Variants in FRMD5 observed in about 807,000 individuals in gnomAD.
FRMD5 encodes the protein FERM domain containing 5, also known as FERM domain-containing protein 5.
FRMD5 carries 20 observed loss-of-function variants against 69.0 expected under a neutral mutation model. That is an observed-to-expected ratio of 0.29 (90% CI 0.20 to 0.42). FRMD5 has a LOEUF of 0.42. Ranked by LOEUF, FRMD5 falls within the 10% of genes least tolerant of loss-of-function variation. FRMD5 has a pLI of 1.00. For missense variants in FRMD5, 595 were observed against 708.6 expected, an observed-to-expected ratio of 0.84 and a Z score of 1.82; for synonymous variants, 271 against 260.1, an observed-to-expected ratio of 1.04 and a Z score of -0.40.
chr15:43,987,690 T>C lies in FRMD5; in HGVS notation c.103-63381A>G, dbSNP rs1208590160. On this transcript the variant is annotated intron_variant, in intron 1 of 13. Transcript: ENST00000417257. ...TCAGCCTCCCAAGTAGCTGGGACTA[T>C]AGGCATGCATCACCACGCCTGGCTA... Among the ~76,000 whole-genome samples, 3 of 151,968 alleles carry C rather than the reference T, an allele frequency of 2.0e-5. No homozygotes were observed. In the East Asian group the frequency reaches 5.8e-4, roughly 29 times the overall value.
At chr15:44,079,785 A>G (rs1257055017) in intron 1 of FRMD5, among the ~76,000 whole-genome samples, 2 of 152,152 alleles carry the variant, frequency 1.3e-5, no homozygotes, top group Non-Finnish European at 2.9e-5. Context: ...TTGAAAGGAA[A>G]TGGAATATTA....
rs34129381 is a variant in FRMD5 at position 44,121,988 on chromosome 15, CAAAAAAAAAA to C, written c.102+72955_102+72964del. 2.2e-3 allele frequency among the ~76,000 whole-genome samples: 155 copies of C among 70,014 alleles called. 1 individual carries two copies. Among genetic ancestry groups the C allele is most frequent in the African/African-American group, 6.4e-3 (132 of 20,668 alleles). 45.9% of individuals were successfully genotyped at this position (70,014 alleles called of 152,430 possible). ...CCAGCCTGGGTGACAAAGGGAGACT[CAAAAAAAAAA>C]AAAAAAAAAAGGAAAAGAAATAGTA... On this transcript the variant is annotated intron_variant, in intron 1 of 13. Coordinates refer to ENST00000417257, the MANE Select transcript of FRMD5 (RefSeq NM_032892.5).
chr15:44,057,903 T>C (rs1298680299), intron 1 of FRMD5, among the ~76,000 whole-genome samples: 1 of 152,212 alleles, frequency 6.6e-6, no homozygotes, highest in African/African-American at 2.4e-5. Context: ...AAGCCTCAAA[T>C]AACCCATTAG....
At position 44,158,852 on chromosome 15, in the gene FRMD5, G is replaced by A. The variant is rs1465714881; in HGVS notation, c.102+36101C>T. ...TAAGGATGCAGAGATAAAAGACTCA[G>A]TCAGACTCTTCATTCAAAGACCTCA... On this transcript the variant is annotated intron_variant, in intron 1 of 13. Coordinates refer to ENST00000417257, the MANE Select transcript of FRMD5 (RefSeq NM_032892.5). Among the ~76,000 whole-genome samples the A allele has an allele frequency of 2.0e-5, 3 of 148,596 alleles. No homozygotes were observed. In the East Asian group the frequency reaches 5.8e-4, roughly 29 times the overall value.
chr15:44,159,064 G>T (rs909797978), intron 1 of FRMD5, among the ~76,000 whole-genome samples: 1 of 151,464 alleles, frequency 6.6e-6, no homozygotes, highest in African/African-American at 2.4e-5. Flanking sequence ...AGATCCTTAG[G>T]AGGAACAGGG....
At chr15:43,962,492 A>T (rs2090218695) in intron 1 of FRMD5, among the ~76,000 whole-genome samples, 1 of 152,192 alleles carries the variant, frequency 6.6e-6, no homozygotes, top group South Asian at 2.1e-4. Context: ...AAGGTAATTT[A>T]TGGATTCAAT....
chr15:43,876,313 T>A, intron 13 of FRMD5: 1 of 1,053,136 alleles, frequency 9.5e-7, no homozygotes, highest in Non-Finnish European at 1.4e-6. Context: ...GAATCTGAAT[T>A]CCAAACTACC....
intron 1 of FRMD5, among the ~76,000 whole-genome samples, chr15:44,069,095 G>A (rs556725103): frequency 2.9e-4 from 44 of 152,278 alleles, no homozygotes; most frequent in African/African-American, 1.1e-3. Flanking sequence ...AATAACATTA[G>A]CATTAAGGAA....
chr15:43,913,614 A>T (rs915610088), intron 4 of FRMD5, among the ~76,000 whole-genome samples: 1 of 152,248 alleles, frequency 6.6e-6, no homozygotes, highest in African/African-American at 2.4e-5. Flanking sequence ...CCTAAGGAAG[A>T]CTATCTTGTT....
chr15:44,095,206 CTTT>C (rs112078242), intron 1 of FRMD5, among the ~76,000 whole-genome samples: 11 of 142,878 alleles, frequency 7.7e-5, no homozygotes, highest in Non-Finnish European at 9.2e-5. Context: ...CAATTTCTTT[CTTT>C]TTTTTTTTTT....
At chr15:43,919,890 T>C in intron 2 of FRMD5, 81 bp from the exon 3 acceptor site, 3 of 1,302,110 alleles carry the variant, frequency 2.3e-6, no homozygotes, top group South Asian at 2.4e-5. Context: ...CTTAAAAAAC[T>C]AGACAGATTG....
intron 1 of FRMD5, among the ~76,000 whole-genome samples, chr15:43,992,590 C>T (rs1889738301): frequency 6.6e-6 from 1 of 152,144 alleles, no homozygotes; most frequent in Non-Finnish European, 1.5e-5. Flanking sequence ...ATTGGCCAGA[C>T]TGGTCTCGAA....
At chr15:44,020,562 A>C (rs1434664570) in intron 1 of FRMD5, among the ~76,000 whole-genome samples, 2 of 152,218 alleles carry the variant, frequency 1.3e-5, no homozygotes, top group Non-Finnish European at 2.9e-5. Flanking sequence ...TTTAACAACT[A>C]AGACAAAAGT....
At chr15:44,105,163 A>G (rs2076698722) in intron 1 of FRMD5, among the ~76,000 whole-genome samples, 1 of 150,504 alleles carries the variant, frequency 6.6e-6, no homozygotes, top group Non-Finnish European at 1.5e-5. Context: ...TGCAGCCTCG[A>G]TGTCCCAGGC....
At chr15:44,194,313 C>T (rs2706464) in intron 1 of FRMD5, 69,721 of 152,122 alleles carry the variant, frequency 0.46, 18,651 homozygotes, top group Admixed American at 0.62. Context: ...TAAATCTTTA[C>T]CTCACGTCCC....
At chr15:43,881,765 G>T (rs1313729031) in intron 13 of FRMD5, among the ~76,000 whole-genome samples, 1 of 152,176 alleles carries the variant, frequency 6.6e-6, no homozygotes, top group Non-Finnish European at 1.5e-5. Context: ...GATGGTGTTT[G>T]TCTAGCCGGG....
At chr15:43,940,578 G>C (rs551831654) in intron 1 of FRMD5, among the ~76,000 whole-genome samples, 4 of 152,148 alleles carry the variant, frequency 2.6e-5, no homozygotes, top group Non-Finnish European at 5.9e-5. Context: ...CAAGGACGTC[G>C]GTTGCAGATC....
intron 1 of FRMD5, among the ~76,000 whole-genome samples, chr15:44,103,160 G>A (rs2076665322): frequency 6.6e-6 from 1 of 152,198 alleles, no homozygotes; most frequent in Non-Finnish European, 1.5e-5. Context: ...TGTAAGAATA[G>A]TCTTGGGAAC....
At chr15:44,072,327 C>G (rs186765532) in intron 1 of FRMD5, among the ~76,000 whole-genome samples, 1 of 152,262 alleles carries the variant, frequency 6.6e-6, no homozygotes, top group Admixed American at 6.5e-5. Flanking sequence ...CAGGGTATGC[C>G]TCTCAGTGTG....
Sources: gnomAD v4.1 joint callset for allele counts (sites outside exome capture counted in the v4.1 genomes callset) on GRCh38, gnomAD v4.1.1 for gene constraint, MANE v1.5 for transcripts, NCBI Gene and HGNC (gene_info 2026-07-23, HGNC 2026-07-21) for gene names.